Variants in LAMP2 observed in about 807,000 individuals in gnomAD.
LAMP2 encodes lysosome-associated membrane glycoprotein 2.
A neutral mutation model predicts 25.6 loss-of-function variants in LAMP2; 4 were observed. That is an observed-to-expected ratio of 0.16 (90% CI 0.08 to 0.36). The LOEUF (loss-of-function observed/expected upper bound fraction) is 0.36, where lower values mean the gene tolerates loss of function less well. Ranked by LOEUF, LAMP2 falls within the 10% of genes least tolerant of loss-of-function variation. The pLI is 1.00. For missense variants in LAMP2, 272 were observed against 301.4 expected (o/e 0.90, Z 0.72); for synonymous variants, 108 against 112.7 (o/e 0.96, Z 0.27).
intron 4 of LAMP2, among the ~76,000 whole-genome samples, chrX:120,448,226 G>A (rs1256983443): frequency 8.9e-6 from 1 of 112,400 alleles, no homozygotes; most frequent in Non-Finnish European, 1.9e-5. Context: ...ATCTACATGA[G>A]TTATGACACA....
intron 3 of LAMP2, among the ~76,000 whole-genome samples, chrX:120,449,418 C>T (rs1200105376): frequency 1.8e-5 from 2 of 111,908 alleles, no homozygotes; most frequent in Non-Finnish European, 3.8e-5. Context: ...AGTTTGAGAC[C>T]AGCCTGACCA....
At chrX:120,450,403 A>G (rs2058616364) in intron 3 of LAMP2, among the ~76,000 whole-genome samples, 1 of 112,113 alleles carries the variant, frequency 8.9e-6, no homozygotes, top group South Asian at 3.6e-4. Flanking sequence ...TAAAAAACAA[A>G]ACAAAACAAA....
chrX:120,464,842 C>T (rs1435971507), intron 1 of LAMP2, among the ~76,000 whole-genome samples: 2 of 111,700 alleles, frequency 1.8e-5, no homozygotes, highest in Non-Finnish European at 3.8e-5. Flanking sequence ...ACTTCCACCT[C>T]CTGGATTCAA....
At position 120,439,321 on chromosome X, in the gene LAMP2, A is replaced by G. The variant is rs751071282; in HGVS notation, c.1093+2409T>C. ...GTAGGTGAGAAAAAGTGTGTAATAA[A>G]TAATGAGTATAATCACAAAAGAATG... On this transcript the variant is annotated intron_variant, in intron 8 of 8. Transcript: ENST00000200639. The G allele has an allele frequency of 3.0e-5, 35 of 1,150,912 alleles. 1 individual carries two copies. The South Asian group carries it at 5.9e-4, about 20-fold the overall frequency. The allele number at this position is 1,150,912 out of a possible 1,213,427, so 94.8% of individuals were successfully genotyped here.
intron 5 of LAMP2, among the ~76,000 whole-genome samples, chrX:120,446,757 T>C (rs1030737256): frequency 4.5e-5 from 5 of 111,697 alleles, no homozygotes; most frequent in African/African-American, 1.6e-4. Flanking sequence ...GCAATCCCTC[T>C]ACAGCCTGAG....
Position 120,426,509 on chromosome X carries a change from C to A in LAMP2, c.*4814G>T, listed in dbSNP as rs998005364. Reference sequence around the variant, plus strand: ...TCTGTTAATATTCTCTATTTTAATTCTCAAAGAATTAAACACACATATTTT... The same window carrying A: ...TCTGTTAATATTCTCTATTTTAATTATCAAAGAATTAAACACACATATTTT... On this transcript the variant is annotated 3_prime_UTR_variant, in exon 9 of 9. Coordinates refer to ENST00000200639, the MANE Select transcript of LAMP2 (RefSeq NM_002294.3). Among the ~76,000 whole-genome samples the A allele has an allele frequency of 1.8e-5, 2 of 110,375 alleles. No homozygotes were observed. The highest frequency in any genetic ancestry group is 2.8e-4 in the East Asian group (1 of 3,531).
At position 120,464,274 on chromosome X, in the gene LAMP2, G is replaced by A. The variant is rs1175102184; in HGVS notation, c.64+4832C>T. Among the ~76,000 whole-genome samples, 3 of 111,522 alleles carry A rather than the reference G, an allele frequency of 2.7e-5. No homozygotes were observed. In the East Asian group the frequency reaches 8.4e-4, roughly 31 times the overall value. Reference sequence around the variant, plus strand: ...TGATCTTGAAGTTTTCAATCCAAAAGAACTTCTTGCAAAACATCATTTAAA... The same window carrying A: ...TGATCTTGAAGTTTTCAATCCAAAAAAACTTCTTGCAAAACATCATTTAAA... On this transcript the variant is annotated intron_variant, in intron 1 of 8. Coordinates refer to ENST00000200639, the MANE Select transcript of LAMP2 (RefSeq NM_002294.3).
intron 1 of LAMP2, among the ~76,000 whole-genome samples, chrX:120,465,109 A>C (rs1241529996): frequency 1.8e-5 from 2 of 111,476 alleles, no homozygotes; most frequent in Non-Finnish European, 3.8e-5. Context: ...CTCCCATTAA[A>C]ATGTAAGCTC....
rs1033438675 is a variant in LAMP2 at position 120,436,778 on chromosome X, T to C, written c.1093+4952A>G. The C allele has an allele frequency of 6.4e-5, 45 of 702,841 alleles. 1 individual carries two copies. The highest frequency in any genetic ancestry group is 7.4e-5 in the Non-Finnish European group (44 of 593,097). The allele number at this position is 702,841 out of a possible 1,213,427, so 57.9% of individuals were successfully genotyped here. A position where few individuals can be genotyped will look rare whatever the true frequency, so the allele number is the denominator to read the frequency against. On this transcript the variant is annotated intron_variant, in intron 8 of 8. Transcript: ENST00000200639. ...TAGGAAATAATAGTGTAAATAGCAG[T>C]ATATAAACTGGCCCATGTAAAATAC...
At position 120,428,371 on chromosome X, in the gene LAMP2, C is replaced by T; in HGVS notation, c.*2952G>A. ...CATGCCCAAGTTAGCTAGGAACTCA[C>T]TGAAGTTAGTCTGCATATCTTAAAC... On this transcript the variant is annotated 3_prime_UTR_variant, in exon 9 of 9. Transcript: ENST00000200639. 1 of 990,343 alleles carries T rather than the reference C, an allele frequency of 1.0e-6. No homozygotes were observed. Among genetic ancestry groups the T allele is most frequent in the Non-Finnish European group, 1.3e-6 (1 of 771,828 alleles). The allele number at this position is 990,343 out of a possible 1,213,427, so 81.6% of individuals were successfully genotyped here. A position where few individuals can be genotyped will look rare whatever the true frequency, so the allele number is the denominator to read the frequency against.
chrX:120,447,706 T>A (rs1034714568), intron 5 of LAMP2, 135 bp downstream of exon 5: 1 of 580,238 alleles, frequency 1.7e-6, no homozygotes, highest in African/African-American at 2.5e-5. Context: ...CGTGACTCCA[T>A]CTCAAAAAAA....
At chrX:120,463,263 G>A (rs1264886498) in intron 1 of LAMP2, among the ~76,000 whole-genome samples, 1 of 111,821 alleles carries the variant, frequency 8.9e-6, no homozygotes, top group Non-Finnish European at 1.9e-5. Context: ...TCTTAAAGGA[G>A]AAAAGCAATA....
intron 7 of LAMP2, among the ~76,000 whole-genome samples, chrX:120,442,215 C>G (rs2058576097): frequency 1.1e-5 from 1 of 88,022 alleles, no homozygotes; most frequent in Non-Finnish European, 2.1e-5. Flanking sequence ...GGGCATAGAG[C>G]GAGACCCTGT....
chrX:120,453,786 C>T (rs1445867695), intron 3 of LAMP2, among the ~76,000 whole-genome samples: 4 of 112,054 alleles, frequency 3.6e-5, no homozygotes, highest in South Asian at 3.7e-4. Context: ...CCAGCCTGGG[C>T]GACAGAGCGA....
rs905784906 is a variant in LAMP2 at position 120,427,317 on chromosome X, C to A, written c.*4006G>T. Among the ~76,000 whole-genome samples, 8 of 111,498 alleles carry A rather than the reference C, an allele frequency of 7.2e-5. No individual in the cohort carries two copies. Among genetic ancestry groups the A allele is most frequent in the African/African-American group, 2.6e-4 (8 of 30,737 alleles). ...ATTTGAACCCTAGACAACTTCAACA[C>A]TGCTTCCAAATAAAAGGGCAATTCA... On this transcript the variant is annotated 3_prime_UTR_variant, in exon 9 of 9. Transcript: ENST00000200639.
At chrX:120,450,468 T>C (rs1313550354) in intron 3 of LAMP2, among the ~76,000 whole-genome samples, 2 of 112,258 alleles carry the variant, frequency 1.8e-5, no homozygotes, top group African/African-American at 6.5e-5. Context: ...TTAACAAAAA[T>C]GAATAGATAC....
intron 4 of LAMP2, 92 bp downstream of exon 4, chrX:120,448,878 A>T: frequency 1.2e-6 from 1 of 818,171 alleles, no homozygotes. Flanking sequence ...CTTAATATAT[A>T]AATGCTTTCA....
intron 8 of LAMP2, among the ~76,000 whole-genome samples, chrX:120,440,033 T>A (rs1036186752): frequency 8.9e-6 from 1 of 111,944 alleles, no homozygotes; most frequent in Non-Finnish European, 1.9e-5. Flanking sequence ...TGAGAGCATA[T>A]AAAATTCAAA....
chrX:120,428,399 T>A lies in LAMP2; in HGVS notation c.*2924A>T. 2 of 1,077,682 alleles carry A rather than the reference T, an allele frequency of 1.9e-6. No homozygotes were observed. The highest frequency in any genetic ancestry group is 2.4e-6 in the Non-Finnish European group (2 of 831,300). The allele number at this position is 1,077,682 out of a possible 1,213,427, so 88.8% of individuals were successfully genotyped here. On this transcript the variant is annotated 3_prime_UTR_variant, in exon 9 of 9. Coordinates refer to ENST00000200639, the MANE Select transcript of LAMP2 (RefSeq NM_002294.3). The stretch of plus-strand genomic sequence containing the variant: ...AAGTTAGTCTGCATATCTTAAACAA[T>A]CTATTGCACAGCATGTCCTGGCTTT...
Sources: gnomAD v4.1 joint callset for allele counts (sites outside exome capture counted in the v4.1 genomes callset) on GRCh38, gnomAD v4.1.1 for gene constraint, MANE v1.5 for transcripts, NCBI Gene and HGNC (gene_info 2026-07-23, HGNC 2026-07-21) for gene names.